RALYL: variants seen among roughly 807,000 people sequenced by gnomAD.
RALYL encodes the protein RALY RNA binding protein like.
In RALYL, 29 loss-of-function variants were observed where a neutral mutation model predicts 35.1. The observed-to-expected ratio is 0.83, with a 90% CI of 0.61 to 1.13. The LOEUF (loss-of-function observed/expected upper bound fraction) is 1.13, where lower values mean the gene tolerates loss of function less well. RALYL is among the 50% of genes most tolerant of loss of function. The pLI, the probability that RALYL is intolerant of heterozygous loss-of-function variation, is 0.00. For synonymous variants in RALYL, 120 were observed against 127.6 expected (o/e 0.94, Z 0.40); for missense variants, 359 against 360.4 (o/e 1.00, Z 0.03).
At chr8:84,406,078 A>C (rs1359669722) in intron 1 of RALYL, among the ~76,000 whole-genome samples, 3 of 150,760 alleles carry the variant, frequency 2.0e-5, no homozygotes, top group Non-Finnish European at 3.0e-5. Flanking sequence ...AAAAAAAAAG[A>C]ATAACAAAAA....
At chr8:84,203,796 T>G (rs1170526880) in intron 1 of RALYL, among the ~76,000 whole-genome samples, 1 of 152,122 alleles carries the variant, frequency 6.6e-6, no homozygotes, top group East Asian at 1.9e-4. Context: ...AGTCATTTAT[T>G]TATTCTCATA....
At chr8:84,755,290 A>G (rs1054290438) in intron 2 of RALYL, among the ~76,000 whole-genome samples, 8 of 152,194 alleles carry the variant, frequency 5.3e-5, no homozygotes, top group Non-Finnish European at 8.8e-5. Context: ...TTGTATATAC[A>G]TGGTAGGAAA....
At chr8:84,292,292 C>T (rs1370323502) in intron 1 of RALYL, among the ~76,000 whole-genome samples, 1 of 152,106 alleles carries the variant, frequency 6.6e-6, no homozygotes. Flanking sequence ...CTGCAAATTC[C>T]AGTTACAAGT....
At chr8:84,741,679 C>G (rs1807345160) in intron 2 of RALYL, among the ~76,000 whole-genome samples, 1 of 152,024 alleles carries the variant, frequency 6.6e-6, no homozygotes. Flanking sequence ...TTAGGCTCAT[C>G]ATATGAATTC....
chr8:84,344,242 A>G (rs1849395357), intron 1 of RALYL, among the ~76,000 whole-genome samples: 1 of 152,102 alleles, frequency 6.6e-6, no homozygotes, highest in East Asian at 1.9e-4. Flanking sequence ...TGTAAATCTT[A>G]CAATTGATCA....
chr8:84,779,026 G>C (rs767079239), intron 3 of RALYL, among the ~76,000 whole-genome samples: 2 of 152,162 alleles, frequency 1.3e-5, no homozygotes, highest in African/African-American at 2.4e-5. Context: ...TCCCATTAGA[G>C]TCTATTTGTA....
chr8:84,844,910 T>C (rs550077763), intron 4 of RALYL, among the ~76,000 whole-genome samples: 19 of 151,926 alleles, frequency 1.3e-4, no homozygotes, highest in Non-Finnish European at 2.2e-4. Flanking sequence ...TAGGTGGGAA[T>C]TGAACGATGA....
chr8:84,861,631 A>G (rs1430237273), intron 5 of RALYL, among the ~76,000 whole-genome samples: 1 of 152,176 alleles, frequency 6.6e-6, no homozygotes, highest in Non-Finnish European at 1.5e-5. Context: ...CTTGATAAAT[A>G]TTTCCCACCG....
At chr8:84,731,061 A>T (rs1276350851) in intron 2 of RALYL, among the ~76,000 whole-genome samples, 2 of 152,036 alleles carry the variant, frequency 1.3e-5, no homozygotes, top group African/African-American at 4.8e-5. Flanking sequence ...TTTTGGTGAA[A>T]ATCCCATTTG....
intron 1 of RALYL, among the ~76,000 whole-genome samples, chr8:84,311,097 A>G (rs529433734): frequency 1.3e-4 from 18 of 135,964 alleles, no homozygotes; most frequent in African/African-American, 4.6e-4. Flanking sequence ...AAAAATGTAT[A>G]TTAATGTATA....
intron 2 of RALYL, among the ~76,000 whole-genome samples, chr8:84,763,830 G>A (rs1292146253): frequency 2.0e-5 from 3 of 152,048 alleles, no homozygotes; most frequent in Non-Finnish European, 4.4e-5. Flanking sequence ...TTATCATTTC[G>A]TGTTTGCTTT....
At chr8:84,325,396 T>C (rs1845620870) in intron 1 of RALYL, among the ~76,000 whole-genome samples, 3 of 152,204 alleles carry the variant, frequency 2.0e-5, no homozygotes, top group African/African-American at 7.2e-5. Context: ...TTATAACTGA[T>C]AAAATTTGCC....
intron 2 of RALYL, among the ~76,000 whole-genome samples, chr8:84,740,437 TA>T (rs1480633988): frequency 1.3e-5 from 2 of 152,190 alleles, no homozygotes; most frequent in East Asian, 3.9e-4. Context: ...TAATTTATTC[TA>T]AAAAGAAAGT....
chr8:84,675,888 A>C (rs1834090841), intron 2 of RALYL, among the ~76,000 whole-genome samples: 1 of 152,198 alleles, frequency 6.6e-6, no homozygotes, highest in Non-Finnish European at 1.5e-5. Context: ...GATTTGTACA[A>C]ATAAAAAGGG....
intron 2 of RALYL, among the ~76,000 whole-genome samples, chr8:84,660,908 T>C (rs539339106): frequency 2.3e-3 from 344 of 152,076 alleles, no homozygotes; most frequent in Middle Eastern, 6.8e-3. Context: ...CTTACATTAT[T>C]ATTTTTATTT....
At chr8:84,569,732 A>T (rs904028240) in intron 2 of RALYL, among the ~76,000 whole-genome samples, 2 of 151,876 alleles carry the variant, frequency 1.3e-5, no homozygotes, top group African/African-American at 4.8e-5. Context: ...CATACATTTA[A>T]GTCTTTAATC....
At chr8:84,268,969 A>T (rs1344601645) in intron 1 of RALYL, among the ~76,000 whole-genome samples, 1 of 152,236 alleles carries the variant, frequency 6.6e-6, no homozygotes, top group African/African-American at 2.4e-5. Context: ...TCACTATAAC[A>T]TGCCCACTAC....
chr8:84,698,325 A>C (rs1839537075), intron 2 of RALYL, among the ~76,000 whole-genome samples: 1 of 152,156 alleles, frequency 6.6e-6, no homozygotes, highest in African/African-American at 2.4e-5. Flanking sequence ...GAACTATTTT[A>C]ATTAAAATAC....
At chr8:84,763,201 G>T (rs574203388) in intron 2 of RALYL, among the ~76,000 whole-genome samples, 1 of 152,010 alleles carries the variant, frequency 6.6e-6, no homozygotes, top group Non-Finnish European at 1.5e-5. Flanking sequence ...ATATATACGC[G>T]TATGAAAAGA....
Sources: gnomAD v4.1 joint callset for allele counts (sites outside exome capture counted in the v4.1 genomes callset) on GRCh38, gnomAD v4.1.1 for gene constraint, MANE v1.5 for transcripts, NCBI Gene and HGNC (gene_info 2026-07-23, HGNC 2026-07-21) for gene names.